Variants in KLF8 observed in about 807,000 individuals in gnomAD.
KLF8 encodes Krueppel-like factor 8.
KLF8 carries 10 observed loss-of-function variants against 18.2 expected under a neutral mutation model. That is an observed-to-expected ratio of 0.55 (90% CI 0.34 to 0.93). The LOEUF is 0.93. KLF8 is among the 40% of genes least tolerant of loss of function. The probability of loss-of-function intolerance (pLI) is 0.02; values close to 1 mark genes in which losing one functional copy is unlikely to be tolerated. For missense variants in KLF8, 264 were observed against 277.9 expected (o/e 0.95, Z 0.36); for synonymous variants, 109 against 97.3 (o/e 1.12, Z -0.71).
the KLF8 span, among the ~76,000 whole-genome samples, chrX:56,123,309 G>GAAAGAAAGAAAGAGAAAAGA: frequency 5.5e-5 from 6 of 108,112 alleles, no homozygotes; most frequent in Non-Finnish European, 1.9e-5. Flanking sequence ...GAGAAAGAAA[G>GAAAGAAAGAAAGAGAAAAGA]AAAGAAAAGA....
At chrX:56,005,244 G>C in the KLF8 span, among the ~76,000 whole-genome samples, 1 of 110,506 alleles carries the variant, frequency 9.0e-6, no homozygotes, top group Non-Finnish European at 1.9e-5. Flanking sequence ...AGCCCCTCAA[G>C]ATTAGCAATC....
Position 56,270,176 on chromosome X carries a change from G to T in KLF8, c.759-6G>T. The T allele has an allele frequency of 1.7e-6, 2 of 1,200,912 alleles. No individual in the cohort carries two copies. Among genetic ancestry groups the T allele is most frequent in the South Asian group, 1.8e-5 (1 of 54,857 alleles). ...TGTTTGGCTTTATCTCTATTTCTTTGATCAGACCAGCAGCAATGGCCCAAA... is the reference window on the plus strand; with the variant it reads ...TGTTTGGCTTTATCTCTATTTCTTTTATCAGACCAGCAGCAATGGCCCAAA... On this transcript the variant is annotated splice_region_variant and splice_polypyrimidine_tract_variant and intron_variant, in intron 4 of 5. Coordinates refer to ENST00000468660, the MANE Select transcript of KLF8 (RefSeq NM_007250.5).
At chrX:56,234,803 C>A (rs996970007) in intron 1 of KLF8, among the ~76,000 whole-genome samples, 1 of 112,374 alleles carries the variant, frequency 8.9e-6, no homozygotes, top group Non-Finnish European at 1.9e-5. Flanking sequence ...AGTTGTTGAC[C>A]TTTGGTGACT....
At chrX:56,031,384 G>T in the KLF8 span, among the ~76,000 whole-genome samples, 4 of 112,212 alleles carry the variant, frequency 3.6e-5, no homozygotes, top group Non-Finnish European at 7.5e-5. Context: ...GCCGATACAG[G>T]CATGCTGTGG....
rs112803446 is a variant in KLF8 at position 56,258,165 on chromosome X, T to A, written c.82-7015T>A. On this transcript the variant is annotated intron_variant, in intron 2 of 5. Transcript: ENST00000468660. ...GCCTGTTGCTAGAGCTTACTCATAG[T>A]TAATACCAAGAGGAAGCTGAGTATA... Among the ~76,000 whole-genome samples the A allele has an allele frequency of 4.9e-3, 556 of 112,830 alleles. 4 individuals are homozygous for A. Among genetic ancestry groups the A allele is most frequent in the African/African-American group, 0.017 (523 of 31,114 alleles).
the KLF8 span, among the ~76,000 whole-genome samples, chrX:55,910,670 AC>A: frequency 1.8e-5 from 2 of 112,121 alleles, no homozygotes; most frequent in African/African-American, 3.2e-5. Context: ...ACAGGAAGTC[AC>A]TTGTAAAAAA....
the KLF8 span, among the ~76,000 whole-genome samples, chrX:55,909,946 C>T: frequency 3.6e-5 from 4 of 111,932 alleles, no homozygotes; most frequent in African/African-American, 1.3e-4. Flanking sequence ...ATATTTGTCT[C>T]TCTTATGTTT....
the KLF8 span, among the ~76,000 whole-genome samples, chrX:56,198,308 G>A: frequency 2.7e-5 from 3 of 112,040 alleles, no homozygotes; most frequent in Non-Finnish European, 5.6e-5. Flanking sequence ...GTCCCTGTTT[G>A]CTGATGACTT....
At chrX:55,983,503 A>C in the KLF8 span, among the ~76,000 whole-genome samples, 3 of 111,789 alleles carry the variant, frequency 2.7e-5, no homozygotes, top group Non-Finnish European at 5.6e-5. Context: ...ACTCAGAACA[A>C]TTTCAATATC....
At chrX:56,131,566 AC>A in the KLF8 span, among the ~76,000 whole-genome samples, 1 of 111,202 alleles carries the variant, frequency 9.0e-6, no homozygotes, top group Admixed American at 9.6e-5. Flanking sequence ...AGGACCATAA[AC>A]AAAATACAAT....
the KLF8 span, among the ~76,000 whole-genome samples, chrX:56,078,735 A>C: frequency 9.0e-6 from 1 of 111,209 alleles, no homozygotes; most frequent in African/African-American, 3.3e-5. Context: ...TCCTCCTTGT[A>C]CCTCTGGTAG....
the KLF8 span, among the ~76,000 whole-genome samples, chrX:56,164,696 A>G: frequency 1.4e-4 from 10 of 71,953 alleles, no homozygotes; most frequent in African/African-American, 5.3e-4. Context: ...TCTGCTCAGT[A>G]TATTTCTTTT....
chrX:56,094,148 C>A, the KLF8 span, among the ~76,000 whole-genome samples: 2 of 109,942 alleles, frequency 1.8e-5, no homozygotes, highest in Non-Finnish European at 3.8e-5. Flanking sequence ...AGTCCAAATA[C>A]ACCAATTAAA....
At chrX:56,026,042 G>A in the KLF8 span, among the ~76,000 whole-genome samples, 2 of 111,904 alleles carry the variant, frequency 1.8e-5, no homozygotes, top group African/African-American at 3.2e-5. Flanking sequence ...TCAACTTCCG[G>A]GTTTGACTGG....
chrX:55,909,607 C>T, the KLF8 span, among the ~76,000 whole-genome samples: 10 of 112,262 alleles, frequency 8.9e-5, no homozygotes, highest in Admixed American at 9.4e-4. Flanking sequence ...GAATTTGATT[C>T]CAACATTTAC....
the KLF8 span, among the ~76,000 whole-genome samples, chrX:56,110,450 A>C: frequency 1.8e-5 from 2 of 111,877 alleles, no homozygotes; most frequent in Non-Finnish European, 3.8e-5. Flanking sequence ...TGATTAAGTC[A>C]TTTATGTGTA....
the KLF8 span, among the ~76,000 whole-genome samples, chrX:56,158,150 G>C: frequency 9.9e-5 from 11 of 111,026 alleles, no homozygotes; most frequent in South Asian, 3.8e-4. Context: ...ATAGGGAATC[G>C]TTTCCCCATT....
the KLF8 span, among the ~76,000 whole-genome samples, chrX:56,154,623 T>G: frequency 3.8e-4 from 43 of 111,716 alleles, no homozygotes; most frequent in African/African-American, 1.2e-3. Context: ...TTAAACTAAA[T>G]AGCTTCTGCA....
At chrX:56,186,174 G>C in the KLF8 span, among the ~76,000 whole-genome samples, 1 of 111,770 alleles carries the variant, frequency 8.9e-6, no homozygotes, top group African/African-American at 3.3e-5. Context: ...TAAAAGGATG[G>C]AGGAAGATCT....
Sources: gnomAD v4.1 joint callset for allele counts (sites outside exome capture counted in the v4.1 genomes callset) on GRCh38, gnomAD v4.1.1 for gene constraint, MANE v1.5 for transcripts, NCBI Gene and HGNC (gene_info 2026-07-23, HGNC 2026-07-21) for gene names.